The following PCDHGA1 variants were observed in gnomAD, a reference collection of about 807,000 sequenced individuals.
PCDHGA1 encodes protocadherin gamma-A1.
In PCDHGA1, 32 loss-of-function variants were observed where a neutral mutation model predicts 58.0. That is an observed-to-expected ratio of 0.55 (90% CI 0.42 to 0.74). PCDHGA1 has a LOEUF of 0.74. Ranked by LOEUF, PCDHGA1 falls within the 30% of genes least tolerant of loss-of-function variation. The probability of loss-of-function intolerance (pLI) is 0.00; values close to 1 mark genes in which losing one functional copy is unlikely to be tolerated. For missense variants in PCDHGA1, 1,205 were observed against 1,182.3 expected (o/e 1.02, Z -0.28); for synonymous variants, 498 against 501.1 (o/e 0.99, Z 0.08).
chr5:141,476,926 T>G lies in PCDHGA1; in HGVS notation c.2422-17881T>G, dbSNP rs779017502. ...GCGTGGTACAAGTCCTTGCAACGGA[T>G]CTGGATGAAGGCCCCAACGGTGAAA... is the stretch of plus-strand genomic sequence containing the variant. On this transcript the variant is annotated intron_variant, in intron 1 of 3. Coordinates refer to ENST00000517417, the MANE Select transcript of PCDHGA1 (RefSeq NM_018912.3). The surrounding 1 kb of genome is among the most constrained non-coding windows in gnomAD (Gnocchi z 7.6). 1 of 1,614,072 alleles carries G rather than the reference T, an allele frequency of 6.2e-7. No homozygotes were observed. The highest frequency in any genetic ancestry group is 1.1e-5 in the South Asian group (1 of 91,092).
At chr5:141,340,286 T>C (rs754424508) in intron 1 of PCDHGA1, 1 of 1,614,116 alleles carries the variant, frequency 6.2e-7, no homozygotes, top group Non-Finnish European at 8.5e-7. Flanking sequence ...TGCTCACATT[T>C]TGCTCCAGGT....
At chr5:141,435,446 G>A (rs889481920) in intron 1 of PCDHGA1, among the ~76,000 whole-genome samples, 12 of 152,060 alleles carry the variant, frequency 7.9e-5, no homozygotes, top group Admixed American at 6.6e-4. Context: ...TCATTAATAC[G>A]ATATCTGTAT....
chr5:141,434,254 T>C (rs1440934691), intron 1 of PCDHGA1, among the ~76,000 whole-genome samples: 3 of 152,176 alleles, frequency 2.0e-5, no homozygotes, highest in Admixed American at 6.5e-5. Context: ...TTGGGCATTG[T>C]GGGGGAGGTG....
At position 141,346,212 on chromosome 5, in the gene PCDHGA1, G is replaced by C. The variant is rs750104038; in HGVS notation, c.2421+13107G>C. On this transcript the variant is annotated intron_variant, in intron 1 of 3. Transcript: ENST00000517417. The stretch of plus-strand genomic sequence containing the variant: ...CTGGCACAAGTCACGCCTGCTGCAG[G>C]CTTCGGGAGGCGGCTTGGCGAGTAC... 17 of 1,614,182 alleles carry C rather than the reference G, an allele frequency of 1.1e-5. No individual in the cohort carries two copies. In the South Asian group the frequency reaches 1.9e-4, roughly 18 times the overall value.
At position 141,426,439 on chromosome 5, in the gene PCDHGA1, G is replaced by C. The variant is rs149215795; in HGVS notation, c.2422-68368G>C. On this transcript the variant is annotated intron_variant, in intron 1 of 3. Transcript: ENST00000517417. ...GGGCTCCGTGGTGGGGAACCTTGCG[G>C]AGGACATGCGGCTGCATGTTCAGGA... 7.8e-4 allele frequency: 237 copies of C among 302,398 alleles called. 1 individual carries two copies. The highest frequency in any genetic ancestry group is 4.6e-3 in the African/African-American group (214 of 46,260). The allele number at this position is 302,398 out of a possible 1,614,324, so 18.7% of individuals were successfully genotyped here.
rs188827871 is a variant in PCDHGA1, at chr5:141,405,107, T to G, written c.2421+72002T>G. 137 of 1,613,998 alleles carry G rather than the reference T, an allele frequency of 8.5e-5. No homozygotes were observed. The Middle Eastern group carries it at 1.3e-3, about 16-fold the overall frequency. On this transcript the variant is annotated intron_variant, in intron 1 of 3. Coordinates refer to ENST00000517417, the MANE Select transcript of PCDHGA1 (RefSeq NM_018912.3). ...GCTGCTGGCCCTCAGGCTGAGGCAC[T>G]GGCACTCCTCGCATCTGCTGCGGGC...
chr5:141,409,904 G>T lies in PCDHGA1; in HGVS notation c.2421+76799G>T, dbSNP rs757396196. 10 of 1,613,278 alleles carry T rather than the reference G, an allele frequency of 6.2e-6. No homozygotes were observed. The South Asian group carries it at 1.1e-4, about 18-fold the overall frequency. On this transcript the variant is annotated intron_variant, in intron 1 of 3. Coordinates refer to ENST00000517417, the MANE Select transcript of PCDHGA1 (RefSeq NM_018912.3). ...ACCGCGGGTGCTGTACCCAGCTCTGGGTCCTGACGGCTCCGCGTTCTTCGA... is the reference window on the plus strand; with the variant it reads ...ACCGCGGGTGCTGTACCCAGCTCTGTGTCCTGACGGCTCCGCGTTCTTCGA...
intron 1 of PCDHGA1, chr5:141,426,194 T>C (rs1482565872): frequency 6.4e-6 from 1 of 155,380 alleles, no homozygotes; most frequent in Non-Finnish European, 1.4e-5. Context: ...ACTGGGAGCA[T>C]TGAGTTTTCT....
chr5:141,403,690 T>G, intron 1 of PCDHGA1: 1 of 1,613,908 alleles, frequency 6.2e-7, no homozygotes, highest in Non-Finnish European at 8.5e-7. Context: ...CTCAACGGAT[T>G]TACCGAGTTA....
At chr5:141,375,035 G>A (rs541605714) in intron 1 of PCDHGA1, 1 of 1,614,008 alleles carries the variant, frequency 6.2e-7, no homozygotes, top group East Asian at 2.2e-5. Flanking sequence ...TTATGAGCTG[G>A]GTGTTGAAGC....
chr5:141,345,944 G>A, intron 1 of PCDHGA1: 2 of 1,613,564 alleles, frequency 1.2e-6, no homozygotes, highest in Admixed American at 1.7e-5. Flanking sequence ...ACAGAGACGC[G>A]CTCAAGCAGA....
intron 1 of PCDHGA1, chr5:141,339,033 C>T (rs745504451): frequency 1.9e-6 from 3 of 1,595,356 alleles, no homozygotes; most frequent in Non-Finnish European, 2.6e-6. Context: ...TTCCTTTTGG[C>T]GACCCTGTGG....
At chr5:141,454,203 T>C (rs981646952) in intron 1 of PCDHGA1, among the ~76,000 whole-genome samples, 2 of 152,148 alleles carry the variant, frequency 1.3e-5, no homozygotes, top group African/African-American at 4.8e-5. Flanking sequence ...GGTGAATTTA[T>C]TGACATGAAT....
At chr5:141,366,097 C>G in intron 1 of PCDHGA1, 2 of 1,614,240 alleles carry the variant, frequency 1.2e-6, no homozygotes, top group African/African-American at 1.3e-5. Flanking sequence ...ACCTGGTGAC[C>G]AAGGTGGTAG....
intron 2 of PCDHGA1, among the ~76,000 whole-genome samples, chr5:141,501,476 A>T (rs1274017343): frequency 3.3e-5 from 5 of 152,044 alleles, no homozygotes; most frequent in Admixed American, 3.3e-4. Context: ...ATCCTGGAAG[A>T]GTCCCTCATA....
At chr5:141,424,936 C>G (rs1160449329) in intron 1 of PCDHGA1, among the ~76,000 whole-genome samples, 1 of 152,182 alleles carries the variant, frequency 6.6e-6, no homozygotes, top group Non-Finnish European at 1.5e-5. Flanking sequence ...AGTCAACACT[C>G]TCACATCACT....
chr5:141,344,421 GCTC>G, intron 1 of PCDHGA1: 3 of 1,612,454 alleles, frequency 1.9e-6, no homozygotes, highest in South Asian at 1.1e-5. Context: ...TAATGATAAT[GCTC>G]CTAATTTCCC....
At position 141,493,726 on chromosome 5, in the gene PCDHGA1, G is replaced by C. The variant is rs1032021616; in HGVS notation, c.2422-1081G>C. ...CTGGAATGCTAGGTTTCTGGGTTCT[G>C]CTCATATCACTGCCACCTGTGAGCC... On this transcript the variant is annotated intron_variant, in intron 1 of 3. Coordinates refer to ENST00000517417, the MANE Select transcript of PCDHGA1 (RefSeq NM_018912.3). This position sits in a 1 kb window ranked among gnomAD's most constrained non-coding sequence, Gnocchi z 4.3. Among the ~76,000 whole-genome samples, 2 of 152,154 alleles carry C rather than the reference G, an allele frequency of 1.3e-5. No individual in the cohort carries two copies. Among genetic ancestry groups the C allele is most frequent in the African/African-American group, 4.8e-5 (2 of 41,438 alleles).
chr5:141,499,551 A>T (rs1178321389), intron 2 of PCDHGA1, among the ~76,000 whole-genome samples: 1 of 152,200 alleles, frequency 6.6e-6, no homozygotes, highest in Non-Finnish European at 1.5e-5. Flanking sequence ...AACCTGTATG[A>T]TACCACTATC....
Sources: allele counts gnomAD v4.1 joint callset (sites outside exome capture counted in the v4.1 genomes callset), GRCh38; gene constraint gnomAD v4.1.1; non-coding constraint Gnocchi (gnomAD v3.1); transcripts MANE v1.5; gene names NCBI Gene and HGNC (gene_info 2026-07-23, HGNC 2026-07-21).